Variants in ETV6 observed in about 807,000 individuals in gnomAD.
ETV6 encodes the protein ETS variant transcription factor 6, also known as transcription factor ETV6.
Under a neutral mutation model 51.1 loss-of-function variants are expected in ETV6, and 16 were observed. The ratio of observed to expected loss-of-function variants is 0.31; its 90% CI spans 0.21 to 0.48. The LOEUF (loss-of-function observed/expected upper bound fraction) is 0.48, where lower values mean the gene tolerates loss of function less well. Ranked by LOEUF, ETV6 falls within the 20% of genes least tolerant of loss-of-function variation. ETV6 has a pLI of 0.99. For missense variants in ETV6, 458 were observed against 594.8 expected, an observed-to-expected ratio of 0.77 and a Z score of 2.39; for synonymous variants, 240 against 224.1, an observed-to-expected ratio of 1.07 and a Z score of -0.64.
intron 2 of ETV6, among the ~76,000 whole-genome samples, chr12:11,758,032 G>A (rs971886033): frequency 6.6e-6 from 1 of 152,168 alleles, no homozygotes; most frequent in Non-Finnish European, 1.5e-5. Flanking sequence ...TCTGAGAGTG[G>A]GCTCAATCCA....
chr12:11,755,447 T>C (rs2121081926), intron 2 of ETV6, among the ~76,000 whole-genome samples: 1 of 152,338 alleles, frequency 6.6e-6, no homozygotes, highest in South Asian at 2.1e-4. Flanking sequence ...GACATCTGTA[T>C]TGAATCCTCT....
chr12:11,796,733 T>C (rs549890459), intron 2 of ETV6, among the ~76,000 whole-genome samples: 1 of 152,124 alleles, frequency 6.6e-6, no homozygotes, highest in East Asian at 1.9e-4. Flanking sequence ...TTTTAAGACA[T>C]TGAATAGCAC....
rs140253953 is a variant in ETV6 at position 11,783,821 on chromosome 12, A to T, written c.163+31242A>T. On this transcript the variant is annotated intron_variant, in intron 2 of 7. Coordinates refer to ENST00000396373, the MANE Select transcript of ETV6 (RefSeq NM_001987.5). ...TAACTTGTGGAAACTCCCACTTCACAGCCTTTTTGTTTGTGGTTGGTTGTT... is the reference window on the plus strand; with the variant it reads ...TAACTTGTGGAAACTCCCACTTCACTGCCTTTTTGTTTGTGGTTGGTTGTT... Among the ~76,000 whole-genome samples the T allele has an allele frequency of 3.6e-3, 551 of 152,298 alleles. 2 individuals carry two copies. The highest frequency in any genetic ancestry group is 0.013 in the African/African-American group (535 of 41,568).
chr12:11,655,821 G>A (rs1316744118), intron 1 of ETV6, among the ~76,000 whole-genome samples: 1 of 152,174 alleles, frequency 6.6e-6, no homozygotes, highest in Non-Finnish European at 1.5e-5. Flanking sequence ...TGTTAAGTGT[G>A]GACTCTCAGA....
At chr12:11,737,517 G>A (rs907201283) in intron 1 of ETV6, among the ~76,000 whole-genome samples, 1 of 152,230 alleles carries the variant, frequency 6.6e-6, no homozygotes, top group African/African-American at 2.4e-5. Context: ...TTAGAGGCAA[G>A]CCTCTGAAAA....
intron 2 of ETV6, among the ~76,000 whole-genome samples, chr12:11,833,462 G>A (rs1039680420): frequency 3.9e-5 from 6 of 152,112 alleles, no homozygotes; most frequent in Non-Finnish European, 7.3e-5. Flanking sequence ...GAACTACCGT[G>A]AAACTTTTTC....
chr12:11,721,269 T>G (rs1865380276), intron 1 of ETV6, among the ~76,000 whole-genome samples: 2 of 152,212 alleles, frequency 1.3e-5, no homozygotes, highest in Non-Finnish European at 2.9e-5. Context: ...ACTTGTATGT[T>G]TACTGCCACG....
chr12:11,810,748 A>T (rs556040417), intron 2 of ETV6, among the ~76,000 whole-genome samples: 1 of 152,322 alleles, frequency 6.6e-6, no homozygotes, highest in South Asian at 2.1e-4. Flanking sequence ...GAAAGATTTG[A>T]AACTATTATT....
chr12:11,658,968 CTTA>C (rs1318217657), intron 1 of ETV6, among the ~76,000 whole-genome samples: 1 of 152,158 alleles, frequency 6.6e-6, no homozygotes, highest in Non-Finnish European at 1.5e-5. Context: ...CATACAGTTG[CTTA>C]TTATTTGTGA....
At chr12:11,873,378 TTC>T (rs1946914583) in intron 5 of ETV6, among the ~76,000 whole-genome samples, 1 of 152,204 alleles carries the variant, frequency 6.6e-6, no homozygotes, top group Admixed American at 6.5e-5. Context: ...GTAAAATTGA[TTC>T]TGTTTATTGG....
intron 7 of ETV6, among the ~76,000 whole-genome samples, chr12:11,886,801 T>A (rs929842804): frequency 2.6e-5 from 4 of 152,010 alleles, no homozygotes; most frequent in Non-Finnish European, 5.9e-5. Flanking sequence ...AATCAGGAGA[T>A]GTAGAAGTAG....
chr12:11,850,556 G>A (rs914611441), intron 3 of ETV6, among the ~76,000 whole-genome samples: 1 of 125,804 alleles, frequency 7.9e-6, no homozygotes. Context: ...TGTGGTGGTG[G>A]TGGTAGTGGT....
intron 2 of ETV6, among the ~76,000 whole-genome samples, chr12:11,762,851 A>T (rs577465315): frequency 7.9e-5 from 12 of 152,334 alleles, no homozygotes; most frequent in Admixed American, 5.9e-4. Flanking sequence ...ACCAAAGCTG[A>T]TGAGGGGTTT....
At chr12:11,889,461 T>C (rs779961286) in intron 7 of ETV6, among the ~76,000 whole-genome samples, 15 of 152,186 alleles carry the variant, frequency 9.9e-5, no homozygotes, top group Non-Finnish European at 2.1e-4. Context: ...AGGTGTTGAA[T>C]TGTAGATACT....
chr12:11,773,878 C>T (rs1399312889), intron 2 of ETV6, among the ~76,000 whole-genome samples: 1 of 152,324 alleles, frequency 6.6e-6, no homozygotes, highest in Non-Finnish European at 1.5e-5. Context: ...AGGCATCACC[C>T]GATGTGGTGG....
At chr12:11,799,779 T>C in intron 2 of ETV6, among the ~76,000 whole-genome samples, 1 of 152,106 alleles carries the variant, frequency 6.6e-6, no homozygotes. Flanking sequence ...TATTTTTTAT[T>C]TTTTATTTTT....
chr12:11,813,136 G>A (rs1341735862), intron 2 of ETV6, among the ~76,000 whole-genome samples: 1 of 152,268 alleles, frequency 6.6e-6, no homozygotes, highest in Non-Finnish European at 1.5e-5. Flanking sequence ...GCCCTCCGGG[G>A]AGAGTGGATT....
At chr12:11,657,620 C>T (rs1864024557) in intron 1 of ETV6, among the ~76,000 whole-genome samples, 1 of 152,196 alleles carries the variant, frequency 6.6e-6, no homozygotes, top group Non-Finnish European at 1.5e-5. Context: ...AATGCATCTG[C>T]AAGTTCTTGA....
intron 1 of ETV6, among the ~76,000 whole-genome samples, chr12:11,732,096 A>T (rs1865610410): frequency 6.6e-6 from 1 of 152,206 alleles, no homozygotes; most frequent in Admixed American, 6.5e-5. Flanking sequence ...CTACCTTAAG[A>T]ATTGACCTAG....
Sources: allele counts gnomAD v4.1 joint callset (sites outside exome capture counted in the v4.1 genomes callset), GRCh38; gene constraint gnomAD v4.1.1; transcripts MANE v1.5; gene names NCBI Gene and HGNC (gene_info 2026-07-23, HGNC 2026-07-21).